The following FAM171A1 variants were observed in gnomAD, a reference collection of about 807,000 sequenced individuals.
FAM171A1 encodes the protein protein FAM171A1.
A neutral mutation model predicts 74.9 loss-of-function variants in FAM171A1; 23 were observed. The observed-to-expected ratio is 0.31, with a 90% CI of 0.22 to 0.44. The LOEUF is 0.44. FAM171A1 is among the 20% of genes least tolerant of loss of function. The pLI is 1.00. For synonymous variants in FAM171A1, 527 were observed against 505.7 expected, an observed-to-expected ratio of 1.04 and a Z score of -0.57; for missense variants, 1,162 against 1,159.2, an observed-to-expected ratio of 1.00 and a Z score of -0.03.
intron 1 of FAM171A1, among the ~76,000 whole-genome samples, chr10:15,344,637 T>G (rs748086741): frequency 1.1e-4 from 16 of 152,226 alleles, no homozygotes; most frequent in Non-Finnish European, 1.3e-4. Flanking sequence ...TTGGAATATC[T>G]TTATATTAAA....
At chr10:15,267,835 G>C (rs1417564205) in intron 3 of FAM171A1, among the ~76,000 whole-genome samples, 1 of 151,050 alleles carries the variant, frequency 6.6e-6, no homozygotes, top group African/African-American at 2.4e-5. Context: ...GACGGACGAA[G>C]TGTGGTGTCA....
At chr10:15,267,887 C>CTA (rs57886661) in intron 3 of FAM171A1, among the ~76,000 whole-genome samples, 1 of 151,846 alleles carries the variant, frequency 6.6e-6, no homozygotes, top group Non-Finnish European at 1.5e-5. Context: ...AAACACCTCA[C>CTA]AGTGCTGCTC....
At chr10:15,309,274 T>C (rs1000722889) in intron 1 of FAM171A1, among the ~76,000 whole-genome samples, 1 of 152,176 alleles carries the variant, frequency 6.6e-6, no homozygotes, top group African/African-American at 2.4e-5. Context: ...AGGGGCACGA[T>C]CATGGCTCAC....
chr10:15,355,360 C>G (rs1486084434), intron 1 of FAM171A1, among the ~76,000 whole-genome samples: 1 of 152,216 alleles, frequency 6.6e-6, no homozygotes, highest in African/African-American at 2.4e-5. Flanking sequence ...CAGGCATCAG[C>G]CACCAAGGCC....
intron 1 of FAM171A1, among the ~76,000 whole-genome samples, chr10:15,303,746 C>A (rs7067549): frequency 6.6e-6 from 1 of 152,198 alleles, no homozygotes; most frequent in African/African-American, 2.4e-5. Flanking sequence ...GGGTCACAGA[C>A]GTATATACTG....
intron 1 of FAM171A1, among the ~76,000 whole-genome samples, chr10:15,289,979 C>T (rs1282387067): frequency 6.6e-6 from 1 of 152,194 alleles, no homozygotes; most frequent in African/African-American, 2.4e-5. Context: ...CCTGTAATCC[C>T]AGCACTTTGG....
chr10:15,280,471 C>T (rs553033058), intron 2 of FAM171A1, among the ~76,000 whole-genome samples: 12 of 152,300 alleles, frequency 7.9e-5, no homozygotes, highest in African/African-American at 2.9e-4. Flanking sequence ...CGTAGAATGA[C>T]AGCCTTTAGT....
At position 15,213,940 on chromosome 10, in the gene FAM171A1, T is replaced by C. The variant is rs1833930343; in HGVS notation, c.1648A>G (p.Arg550Gly). ...CCGGGCCGTGGGAAGGACGTAGGTC[T>C]CTCGAGGTGATCTACTGATCGCGAC... ...MMSRSVDHLE[R>G]PTSFPRPGQL... The change falls in exon 8 of 8, where the codon AGA becomes GGA. Residue 550 changes from arginine (R) to glycine (G), a missense_variant. Transcript: ENST00000378116. The surrounding 1 kb of genome is among the most constrained non-coding windows in gnomAD (Gnocchi z 6.8). 6.2e-7 allele frequency: 1 copy of C among 1,614,034 alleles called. No homozygotes were observed. Among genetic ancestry groups the C allele is most frequent in the African/African-American group, 1.3e-5 (1 of 74,916 alleles).
In FAM171A1 at chr10:15,236,508, C is replaced by G. The variant is rs1588504701; in HGVS notation, c.754+12131G>C. On this transcript the variant is annotated intron_variant, in intron 5 of 7. Coordinates refer to ENST00000378116, the MANE Select transcript of FAM171A1 (RefSeq NM_001010924.2). ...GAGACGAAAAAGGACTTGCTCAAGACCACACAACGAGTCACCAGAGGAGGA... is the reference window on the plus strand; with the variant it reads ...GAGACGAAAAAGGACTTGCTCAAGAGCACACAACGAGTCACCAGAGGAGGA... 2.0e-5 allele frequency among the ~76,000 whole-genome samples: 3 copies of G among 152,002 alleles called. No homozygotes were observed. The South Asian group carries it at 6.2e-4, about 32-fold the overall frequency.
chr10:15,263,876 TATCTATC>T (rs1834701060), intron 3 of FAM171A1, among the ~76,000 whole-genome samples: 3 of 151,272 alleles, frequency 2.0e-5, no homozygotes, highest in Non-Finnish European at 2.9e-5. Context: ...TCTATCTATC[TATCTATC>T]TATCTATCTA....
At chr10:15,219,458 TTTCC>T (rs560800549) in intron 6 of FAM171A1, among the ~76,000 whole-genome samples, 423 of 152,378 alleles carry the variant, frequency 2.8e-3, no homozygotes, top group Non-Finnish European at 4.9e-3. Flanking sequence ...AGACAATTCT[TTTCC>T]TTCCTTTGTT....
intron 3 of FAM171A1, among the ~76,000 whole-genome samples, chr10:15,271,360 G>T (rs1588525033): frequency 6.6e-6 from 1 of 152,142 alleles, no homozygotes; most frequent in African/African-American, 2.4e-5. Flanking sequence ...AATGAACAAA[G>T]CCTCCAAGAA....
At chr10:15,371,822 G>A (rs1165489221), upstream of FAM171A1, among the ~76,000 whole-genome samples, 2 of 152,140 alleles carry the variant, frequency 1.3e-5, no homozygotes, top group Non-Finnish European at 2.9e-5. Context: ...TCCATGACAC[G>A]TGTGAAAGCA....
At chr10:15,268,130 A>G (rs1233629697) in intron 3 of FAM171A1, among the ~76,000 whole-genome samples, 1 of 152,138 alleles carries the variant, frequency 6.6e-6, no homozygotes, top group African/African-American at 2.4e-5. Context: ...ACCAGGGAGG[A>G]CCTGGACAAC....
In FAM171A1 at chr10:15,248,623, C is replaced by G; in HGVS notation, c.754+16G>C. On this transcript the variant is annotated intron_variant, in intron 5 of 7. Transcript: ENST00000378116. Reference sequence around the variant, plus strand: ...GCCATCTGGTAGCCGATTGTCGGCACAGAACTCTTGCTTACCCAGCTTCTG... The same window carrying G: ...GCCATCTGGTAGCCGATTGTCGGCAGAGAACTCTTGCTTACCCAGCTTCTG... The G allele has an allele frequency of 6.3e-7, 1 of 1,586,658 alleles. No homozygotes were observed. Among genetic ancestry groups the G allele is most frequent in the Non-Finnish European group, 8.6e-7 (1 of 1,164,802 alleles).
intron 5 of FAM171A1, among the ~76,000 whole-genome samples, chr10:15,244,473 C>G (rs1834405107): frequency 6.6e-6 from 1 of 152,200 alleles, no homozygotes; most frequent in Non-Finnish European, 1.5e-5. Flanking sequence ...GAGCTATGAT[C>G]ACACCATTGC....
chr10:15,272,636 T>C (rs1157443777), intron 3 of FAM171A1, among the ~76,000 whole-genome samples: 1 of 152,208 alleles, frequency 6.6e-6, no homozygotes, highest in South Asian at 2.1e-4. Context: ...GACCACATAG[T>C]TGGGAGTAAA....
At chr10:15,372,270 C>T (rs529386536), upstream of FAM171A1, among the ~76,000 whole-genome samples, 1 of 152,152 alleles carries the variant, frequency 6.6e-6, no homozygotes, top group Non-Finnish European at 1.5e-5. Flanking sequence ...ATTATCCCCC[C>T]CATTCACAGA....
chr10:15,330,713 C>CTTTTTTTTT (rs898772126), intron 1 of FAM171A1, among the ~76,000 whole-genome samples: 12 of 76,746 alleles, frequency 1.6e-4, no homozygotes, highest in African/African-American at 2.1e-4. Context: ...TCTTCTTCTT[C>CTTTTTTTTT]TTTTTTTTTT....
Sources: allele counts gnomAD v4.1 joint callset (sites outside exome capture counted in the v4.1 genomes callset), GRCh38; gene constraint gnomAD v4.1.1; non-coding constraint Gnocchi (gnomAD v3.1); transcripts MANE v1.5; gene names NCBI Gene and HGNC (gene_info 2026-07-23, HGNC 2026-07-21).